CADM2: variants seen among roughly 807,000 people sequenced by gnomAD.
CADM2 encodes the protein immunoglobulin superfamily member 4D.
A neutral mutation model predicts 49.8 loss-of-function variants in CADM2; 12 were observed. The ratio of observed to expected loss-of-function variants is 0.24; its 90% CI spans 0.15 to 0.39. The LOEUF (loss-of-function observed/expected upper bound fraction) is 0.39. Ranked by LOEUF, CADM2 falls within the 10% of genes least tolerant of loss-of-function variation. The pLI is 1.00. For missense variants in CADM2, 378 were observed against 492.3 expected (o/e 0.77, Z 2.20); for synonymous variants, 214 against 175.4 (o/e 1.22, Z -1.74).
chr3:85,507,182 A>ATTTTTTT (rs71108295), intron 1 of CADM2, among the ~76,000 whole-genome samples: 1 of 127,272 alleles, frequency 7.9e-6, no homozygotes. Context: ...CACCCAGTGT[A>ATTTTTTT]TTTTTTTTTT....
chr3:86,005,003 C>A (rs76221807), intron 8 of CADM2, among the ~76,000 whole-genome samples: 1 of 152,134 alleles, frequency 6.6e-6, no homozygotes, highest in Non-Finnish European at 1.5e-5. Flanking sequence ...GTTCTTTTCC[C>A]TCTCTCTTGT....
chr3:85,713,565 A>G (rs1036227391), intron 1 of CADM2, among the ~76,000 whole-genome samples: 4 of 152,152 alleles, frequency 2.6e-5, no homozygotes, highest in Admixed American at 6.6e-5. Flanking sequence ...TCCATAAGAC[A>G]CTTACCCACT....
chr3:85,845,728 TC>T (rs1478420118), intron 3 of CADM2, among the ~76,000 whole-genome samples: 1 of 152,190 alleles, frequency 6.6e-6, no homozygotes, highest in East Asian at 1.9e-4. Flanking sequence ...CTATCATTAA[TC>T]CTATATCCAC....
At chr3:85,481,809 C>A (rs781532701) in intron 1 of CADM2, among the ~76,000 whole-genome samples, 2 of 149,290 alleles carry the variant, frequency 1.3e-5, no homozygotes, top group African/African-American at 2.5e-5. Context: ...GAACTTCATT[C>A]TTGGTTTTTT....
chr3:85,650,778 T>A (rs1559569902), intron 1 of CADM2, among the ~76,000 whole-genome samples: 1 of 151,742 alleles, frequency 6.6e-6, no homozygotes, highest in Non-Finnish European at 1.5e-5. Flanking sequence ...TGATTTATTT[T>A]CTTCCTGGGA....
intron 1 of CADM2, among the ~76,000 whole-genome samples, chr3:85,465,889 C>T (rs1171819265): frequency 6.6e-6 from 1 of 151,984 alleles, no homozygotes; most frequent in African/African-American, 2.4e-5. Flanking sequence ...AGACCATTAC[C>T]GAAAGTATGG....
chr3:85,545,800 A>C (rs1292269918), intron 1 of CADM2, among the ~76,000 whole-genome samples: 1 of 152,172 alleles, frequency 6.6e-6, no homozygotes, highest in East Asian at 1.9e-4. Flanking sequence ...CTTCTAGGGA[A>C]AAAAGTAAAC....
chr3:86,019,921 A>T (rs1003543008), intron 8 of CADM2, among the ~76,000 whole-genome samples: 1 of 152,164 alleles, frequency 6.6e-6, no homozygotes, highest in African/African-American at 2.4e-5. Flanking sequence ...TAACATCACA[A>T]TTAAAAGAAC....
At chr3:85,228,907 C>G (rs888028418) in intron 1 of CADM2, among the ~76,000 whole-genome samples, 1 of 152,064 alleles carries the variant, frequency 6.6e-6, no homozygotes, top group East Asian at 1.9e-4. Context: ...TTAAGTCTGC[C>G]GAAGCTTTGC....
chr3:85,215,215 T>C (rs1360517758), intron 1 of CADM2, among the ~76,000 whole-genome samples: 2 of 151,774 alleles, frequency 1.3e-5, no homozygotes, highest in African/African-American at 4.8e-5. Context: ...TTCAAGGCAG[T>C]GGGCTCTCTT....
At chr3:85,545,076 A>C (rs1262838316) in intron 1 of CADM2, among the ~76,000 whole-genome samples, 1 of 152,234 alleles carries the variant, frequency 6.6e-6, no homozygotes, top group Non-Finnish European at 1.5e-5. Context: ...GTAAGGCACA[A>C]TGTGTCTTTA....
chr3:85,104,405 A>G (rs562439926), intron 1 of CADM2, among the ~76,000 whole-genome samples: 3 of 151,972 alleles, frequency 2.0e-5, no homozygotes, highest in Non-Finnish European at 4.4e-5. Flanking sequence ...CCATTGACCT[A>G]TATCTCTGTT....
intron 1 of CADM2, among the ~76,000 whole-genome samples, chr3:85,078,595 G>T (rs1397170575): frequency 6.6e-6 from 1 of 151,668 alleles, no homozygotes; most frequent in Admixed American, 6.6e-5. Flanking sequence ...ACAAAGCCCA[G>T]AAACTGTCTT....
chr3:86,001,881 T>A (rs1008858763), intron 8 of CADM2, among the ~76,000 whole-genome samples: 12 of 152,262 alleles, frequency 7.9e-5, no homozygotes, highest in Non-Finnish European at 1.0e-4. Context: ...TAATTATAGA[T>A]GTATAGATGT....
At chr3:85,788,121 C>G (rs911233769) in intron 2 of CADM2, among the ~76,000 whole-genome samples, 23 of 152,066 alleles carry the variant, frequency 1.5e-4, no homozygotes, top group Non-Finnish European at 1.5e-4. Context: ...TCATTTCTAG[C>G]TGTTCACAGT....
At chr3:85,588,372 A>G (rs2063001733) in intron 1 of CADM2, among the ~76,000 whole-genome samples, 1 of 151,972 alleles carries the variant, frequency 6.6e-6, no homozygotes, top group Admixed American at 6.6e-5. Context: ...ATTGGAGGGA[A>G]AATACTCACC....
intron 7 of CADM2, among the ~76,000 whole-genome samples, chr3:85,949,205 T>A (rs73843522): frequency 0.059 from 8,854 of 151,192 alleles, 678 homozygotes; most frequent in African/African-American, 0.17. Context: ...GACTTTTTTT[T>A]AAAAAGAAAA....
At chr3:85,519,860 G>A (rs1011555158) in intron 1 of CADM2, among the ~76,000 whole-genome samples, 6 of 151,986 alleles carry the variant, frequency 3.9e-5, no homozygotes, top group African/African-American at 7.2e-5. Context: ...AAGCAATCCC[G>A]TAGAGGTTTT....
At chr3:85,918,219 C>G (rs576293745) in intron 6 of CADM2, among the ~76,000 whole-genome samples, 1 of 152,106 alleles carries the variant, frequency 6.6e-6, no homozygotes, top group Non-Finnish European at 1.5e-5. Flanking sequence ...AGAAGGCATC[C>G]CTGTCTTGTG....
Sources: allele counts gnomAD v4.1 joint callset (sites outside exome capture counted in the v4.1 genomes callset), GRCh38; gene constraint gnomAD v4.1.1; transcripts MANE v1.5; gene names NCBI Gene and HGNC (gene_info 2026-07-23, HGNC 2026-07-21).